The following EFL1 variants were observed in gnomAD, a reference collection of about 807,000 sequenced individuals.
EFL1 encodes elongation factor like GTPase 1.
EFL1 carries 76 observed loss-of-function variants against 126.7 expected under a neutral mutation model. The ratio of observed to expected loss-of-function variants is 0.60; its 90% confidence interval spans 0.50 to 0.73. EFL1 has a LOEUF of 0.73. Ranked by LOEUF, EFL1 falls within the 30% of genes least tolerant of loss-of-function variation. The probability of loss-of-function intolerance (pLI) is 0.00; values close to 1 mark genes in which losing one functional copy is unlikely to be tolerated. For synonymous variants in EFL1, 410 were observed against 448.4 expected (o/e 0.91, Z 1.08); for missense variants, 1,128 against 1,343.2 (o/e 0.84, Z 2.50).
At position 82,152,028 on chromosome 15, in the gene EFL1, T is replaced by C. The variant is rs538304453; in HGVS notation, c.2426A>G (p.Gln809Arg). The change falls in exon 18 of 20, where the codon CAA becomes CGA. Residue 809 changes from glutamine to arginine, a missense_variant. This residue lies in a region of EFL1 where 561 missense variants were observed against 641.7 expected (regional missense o/e 0.87). Transcript: ENST00000268206. ...CCTCCATCTTCTCCCTGTTAGGTGT[T>C]GCTCCAGTTTTCCTTTGAATTCCCA... is the stretch of plus-strand genomic sequence containing the variant. ...KIWEFKGKLE[Q>R]HLTGRRWRNI... 81 of 1,614,204 alleles carry C rather than the reference T, an allele frequency of 5.0e-5. No homozygotes were observed. The South Asian group carries it at 8.1e-4, about 16-fold the overall frequency.
chr15:82,192,397 G>A (rs1176100256), intron 15 of EFL1, among the ~76,000 whole-genome samples: 8 of 127,566 alleles, frequency 6.3e-5, no homozygotes, highest in Non-Finnish European at 9.3e-5. Context: ...GTGAAATTCC[G>A]TCTCAAAAAA....
chr15:82,212,500 T>A (rs2074600824), intron 15 of EFL1, among the ~76,000 whole-genome samples: 1 of 152,238 alleles, frequency 6.6e-6, no homozygotes, highest in African/African-American at 2.4e-5. Flanking sequence ...CTCAACCAGA[T>A]TTCAATTAAT....
intron 15 of EFL1, among the ~76,000 whole-genome samples, chr15:82,172,525 T>C (rs774481910): frequency 6.6e-6 from 1 of 152,244 alleles, no homozygotes. Context: ...ACCCTCTTTG[T>C]ACAGCTTTTG....
intron 15 of EFL1, among the ~76,000 whole-genome samples, chr15:82,165,666 C>A (rs2074071914): frequency 6.6e-6 from 1 of 152,202 alleles, no homozygotes; most frequent in African/African-American, 2.4e-5. Flanking sequence ...CTCCACACAT[C>A]GTTCTTAGTG....
intron 15 of EFL1, among the ~76,000 whole-genome samples, chr15:82,194,476 TAATAGA>T (rs1475576389): frequency 6.6e-6 from 1 of 152,164 alleles, no homozygotes; most frequent in Non-Finnish European, 1.5e-5. Flanking sequence ...AAGCAGCTAC[TAATAGA>T]AATAAAATAG....
intron 15 of EFL1, among the ~76,000 whole-genome samples, chr15:82,204,241 A>G (rs1429230860): frequency 1.3e-5 from 2 of 152,170 alleles, no homozygotes; most frequent in Non-Finnish European, 2.9e-5. Flanking sequence ...CATATACTTT[A>G]CATTTTCTGG....
At chr15:82,179,043 C>T (rs1415500604) in intron 15 of EFL1, among the ~76,000 whole-genome samples, 1 of 152,160 alleles carries the variant, frequency 6.6e-6, no homozygotes. Context: ...ACTTAGGAGA[C>T]TGAGGCAGGA....
chr15:82,205,977 G>C (rs2074520639), intron 15 of EFL1, among the ~76,000 whole-genome samples: 1 of 152,178 alleles, frequency 6.6e-6, no homozygotes, highest in Admixed American at 6.5e-5. Flanking sequence ...AATCTGATCT[G>C]GGTGATAGAC....
intron 15 of EFL1, among the ~76,000 whole-genome samples, chr15:82,184,705 T>C (rs928189777): frequency 6.6e-6 from 1 of 152,200 alleles, no homozygotes; most frequent in African/African-American, 2.4e-5. Flanking sequence ...TTTTGGGAAT[T>C]TTCCCCCCAC....
At chr15:82,246,352 T>G (rs2074972888) in intron 4 of EFL1, among the ~76,000 whole-genome samples, 1 of 152,126 alleles carries the variant, frequency 6.6e-6, no homozygotes, top group Non-Finnish European at 1.5e-5. Flanking sequence ...AAAAGGTTGA[T>G]GTTTACTTCT....
At chr15:82,194,798 T>C (rs2074393035) in intron 15 of EFL1, among the ~76,000 whole-genome samples, 1 of 152,198 alleles carries the variant, frequency 6.6e-6, no homozygotes, top group Admixed American at 6.5e-5. Flanking sequence ...GTTAGTGGGT[T>C]CAAATGCTCA....
chr15:82,196,290 C>T (rs2074407447), intron 15 of EFL1, among the ~76,000 whole-genome samples: 1 of 152,196 alleles, frequency 6.6e-6, no homozygotes, highest in Non-Finnish European at 1.5e-5. Flanking sequence ...TCTAGATCAA[C>T]TCTCAAACTA....
intron 14 of EFL1, among the ~76,000 whole-genome samples, chr15:82,216,348 C>T (rs2074646474): frequency 1.3e-5 from 2 of 152,130 alleles, no homozygotes; most frequent in Non-Finnish European, 2.9e-5. Flanking sequence ...GAAGCCTCAA[C>T]AGGGCTTTTC....
intron 15 of EFL1, among the ~76,000 whole-genome samples, chr15:82,165,267 AAG>A (rs200335918): frequency 0.015 from 2,278 of 152,130 alleles, 61 homozygotes; most frequent in African/African-American, 0.052. Context: ...GAGAGAGAAA[AAG>A]AGAGAGAGTG....
At chr15:82,164,929 T>C (rs1287338981) in intron 15 of EFL1, among the ~76,000 whole-genome samples, 1 of 148,428 alleles carries the variant, frequency 6.7e-6, no homozygotes, top group Non-Finnish European at 1.5e-5. Context: ...TAAAGAGGCA[T>C]ATTGAATCTC....
chr15:82,177,531 G>A (rs571109101), intron 15 of EFL1, among the ~76,000 whole-genome samples: 4 of 152,248 alleles, frequency 2.6e-5, no homozygotes, highest in African/African-American at 9.6e-5. Context: ...CCTCCTGGCT[G>A]CATACTTCTG....
chr15:82,261,995 A>C, intron 1 of EFL1, 198 bp from the exon 2 acceptor site: 1 of 473,224 alleles, frequency 2.1e-6, no homozygotes, highest in Non-Finnish European at 3.7e-6. Context: ...CCACGATTAC[A>C]CTTAAGGAGT....
At chr15:82,202,597 C>T (rs752804761) in intron 15 of EFL1, among the ~76,000 whole-genome samples, 22 of 152,106 alleles carry the variant, frequency 1.4e-4, no homozygotes, top group Non-Finnish European at 2.6e-4. Context: ...AACCAAGGAT[C>T]GGTGAGGCAG....
intron 15 of EFL1, among the ~76,000 whole-genome samples, chr15:82,170,888 A>G (rs1263484464): frequency 6.6e-6 from 1 of 152,206 alleles, no homozygotes; most frequent in Admixed American, 6.5e-5. Context: ...CATGTGCTGC[A>G]TTCCAATTCA....
Sources: allele counts gnomAD v4.1 joint callset (sites outside exome capture counted in the v4.1 genomes callset), GRCh38; gene constraint gnomAD v4.1.1; regional missense constraint gnomAD v4.1.1; transcripts MANE v1.5; gene names NCBI Gene and HGNC (gene_info 2026-07-23, HGNC 2026-07-21).